CEP128: variants seen among roughly 807,000 people sequenced by gnomAD.
CEP128 encodes the protein centrosomal protein 128, also known as centrosomal protein 128kDa.
CEP128 carries 132 observed loss-of-function variants against 156.7 expected under a neutral mutation model. The ratio of observed to expected loss-of-function variants is 0.84; its 90% CI spans 0.73 to 0.97. The LOEUF (loss-of-function observed/expected upper bound fraction) is 0.97. Among genes scored for constraint, CEP128 ranks in the 50% least tolerant of loss-of-function variants. CEP128 has a pLI of 0.00. For synonymous variants in CEP128, 469 were observed against 448.9 expected (o/e 1.04, Z -0.57); for missense variants, 1,252 against 1,281.9 (o/e 0.98, Z 0.36).
At chr14:80,812,938 G>A (rs995614407) in intron 13 of CEP128, among the ~76,000 whole-genome samples, 3 of 152,060 alleles carry the variant, frequency 2.0e-5, no homozygotes, top group Non-Finnish European at 2.9e-5. Flanking sequence ...GTATCTCCTT[G>A]TGTGTTTGAT....
intron 19 of CEP128, among the ~76,000 whole-genome samples, chr14:80,596,190 C>T (rs7161731): frequency 0.62 from 94,534 of 151,890 alleles, 30,809 homozygotes; most frequent in African/African-American, 0.83. Flanking sequence ...AGACGGAGAT[C>T]GTTAGAGTGA....
At chr14:80,874,218 C>T (rs1202392451) in intron 8 of CEP128, among the ~76,000 whole-genome samples, 1 of 152,138 alleles carries the variant, frequency 6.6e-6, no homozygotes. Context: ...AATCCCAGCA[C>T]TTTGGGAGGC....
chr14:80,515,839 G>A (rs1421355599), intron 23 of CEP128, among the ~76,000 whole-genome samples: 1 of 152,134 alleles, frequency 6.6e-6, no homozygotes, highest in Non-Finnish European at 1.5e-5. Flanking sequence ...TCTTACCTAA[G>A]ACCCATGGCG....
intron 19 of CEP128, among the ~76,000 whole-genome samples, chr14:80,717,448 T>C (rs946703549): frequency 1.3e-5 from 2 of 152,058 alleles, no homozygotes; most frequent in Admixed American, 1.3e-4. Flanking sequence ...GTTTTCAGAG[T>C]GATAATGAAG....
intron 2 of CEP128, chr14:80,954,982 C>G (rs560500307): frequency 1.2e-3 from 181 of 153,266 alleles, no homozygotes; most frequent in Non-Finnish European, 2.2e-3. Context: ...GTGAGGCGGC[C>G]GCTGCCAGTC....
At chr14:80,642,607 C>T (rs12889844) in intron 19 of CEP128, among the ~76,000 whole-genome samples, 28,710 of 151,908 alleles carry the variant, frequency 0.19, 2,896 homozygotes, top group East Asian at 0.34. Flanking sequence ...TGCTTGAGCC[C>T]AGAAAGTCAA....
intron 19 of CEP128, among the ~76,000 whole-genome samples, chr14:80,598,151 T>C: frequency 6.6e-6 from 1 of 151,512 alleles, no homozygotes; most frequent in East Asian, 1.9e-4. Flanking sequence ...AGAAAAAAAG[T>C]GTCCGTATTT....
intron 23 of CEP128, among the ~76,000 whole-genome samples, chr14:80,517,378 G>T (rs903525472): frequency 6.6e-6 from 1 of 151,846 alleles, no homozygotes; most frequent in African/African-American, 2.4e-5. Context: ...ATCTCCCTCT[G>T]AGCACTTTTT....
upstream of CEP128, among the ~76,000 whole-genome samples, chr14:80,944,058 T>C (rs909569694): frequency 6.7e-6 from 1 of 150,308 alleles, no homozygotes; most frequent in African/African-American, 2.4e-5. Flanking sequence ...CTTAACAAAA[T>C]AGACAAAATG....
intron 19 of CEP128, among the ~76,000 whole-genome samples, chr14:80,734,846 C>CAAAA (rs397798792): frequency 3.2e-5 from 2 of 62,062 alleles, no homozygotes; most frequent in Non-Finnish European, 3.1e-5. Flanking sequence ...GACCCCATCT[C>CAAAA]AAAAAAAAAA....
chr14:80,897,339 A>G (rs1441834981), intron 7 of CEP128, among the ~76,000 whole-genome samples: 3 of 152,056 alleles, frequency 2.0e-5, no homozygotes, highest in Non-Finnish European at 4.4e-5. Flanking sequence ...TATCCTCCCT[A>G]TAGTTTCTCT....
intron 20 of CEP128, among the ~76,000 whole-genome samples, chr14:80,574,687 A>C (rs1488763551): frequency 6.6e-6 from 1 of 152,194 alleles, no homozygotes; most frequent in East Asian, 1.9e-4. Flanking sequence ...AGAACCAAGA[A>C]GGTATATTCT....
At chr14:80,555,401 T>C (rs1566777218) in intron 21 of CEP128, among the ~76,000 whole-genome samples, 1 of 152,082 alleles carries the variant, frequency 6.6e-6, no homozygotes. Flanking sequence ...TCTGGTAGGG[T>C]TCCACTGATC....
chr14:80,703,519 A>C (rs1173194527), intron 19 of CEP128, among the ~76,000 whole-genome samples: 1 of 152,010 alleles, frequency 6.6e-6, no homozygotes, highest in East Asian at 1.9e-4. Context: ...ATTAGAAAAA[A>C]AAAAGTGTTT....
chr14:80,743,563 G>T (rs1898943879), intron 18 of CEP128, among the ~76,000 whole-genome samples: 1 of 152,054 alleles, frequency 6.6e-6, no homozygotes, highest in South Asian at 2.1e-4. Context: ...CCTCTGATTT[G>T]ATATACAGGG....
intron 19 of CEP128, among the ~76,000 whole-genome samples, chr14:80,639,405 A>G (rs1387114949): frequency 6.6e-6 from 1 of 152,194 alleles, no homozygotes; most frequent in Non-Finnish European, 1.5e-5. Context: ...GTATTTACAT[A>G]TGATCCAAAT....
intron 21 of CEP128, among the ~76,000 whole-genome samples, chr14:80,537,116 C>A (rs1002029814): frequency 3.3e-5 from 5 of 152,056 alleles, no homozygotes; most frequent in Admixed American, 2.6e-4. Flanking sequence ...AACATATCTT[C>A]ACTGAAAACT....
chr14:80,567,845 C>T (rs1890980186), intron 20 of CEP128, among the ~76,000 whole-genome samples: 1 of 152,044 alleles, frequency 6.6e-6, no homozygotes, highest in South Asian at 2.1e-4. Flanking sequence ...CAGATGCTGA[C>T]TGTCCCCACA....
chr14:80,952,855 G>A (rs1219876427), intron 2 of CEP128, among the ~76,000 whole-genome samples: 4 of 152,080 alleles, frequency 2.6e-5, no homozygotes, highest in African/African-American at 9.7e-5. Context: ...GAGGATAAGA[G>A]AATATTATGA....
Sources: gnomAD v4.1 joint callset for allele counts (sites outside exome capture counted in the v4.1 genomes callset) on GRCh38, gnomAD v4.1.1 for gene constraint, MANE v1.5 for transcripts, NCBI Gene and HGNC (gene_info 2026-07-23, HGNC 2026-07-21) for gene names.